RGS7: variants seen among roughly 807,000 people sequenced by gnomAD.
RGS7 encodes the protein regulator of G-protein signaling 7.
In RGS7, 27 loss-of-function variants were observed where a neutral mutation model predicts 81.1. That is an observed-to-expected ratio of 0.33 (90% CI 0.25 to 0.46). The LOEUF is 0.46. Ranked by LOEUF, RGS7 falls within the 20% of genes least tolerant of loss-of-function variation. The pLI is 1.00. For missense variants in RGS7, 396 were observed against 607.4 expected (o/e 0.65, Z 3.66); for synonymous variants, 208 against 207.7 (o/e 1.00, Z -0.01).
At chr1:241,071,746 T>C (rs760868457) in intron 3 of RGS7, among the ~76,000 whole-genome samples, 16 of 151,354 alleles carry the variant, frequency 1.1e-4, no homozygotes, top group Non-Finnish European at 2.4e-4. Context: ...TGGTGGTATG[T>C]GCCTGTAGAC....
At chr1:240,904,348 T>C (rs1384633702) in intron 6 of RGS7, among the ~76,000 whole-genome samples, 3 of 152,232 alleles carry the variant, frequency 2.0e-5, no homozygotes, top group African/African-American at 7.2e-5. Flanking sequence ...ATTTTGTGTG[T>C]GGTCTATGTG....
intron 2 of RGS7, among the ~76,000 whole-genome samples, chr1:241,207,179 G>A (rs903806906): frequency 6.6e-5 from 10 of 151,126 alleles, no homozygotes; most frequent in African/African-American, 2.2e-4. Context: ...GTGTTAGCCA[G>A]GTTGGTCTCA....
chr1:241,060,411 A>G (rs1324631969), intron 3 of RGS7, among the ~76,000 whole-genome samples: 1 of 152,220 alleles, frequency 6.6e-6, no homozygotes, highest in Admixed American at 6.5e-5. Context: ...GCAGGCTCTT[A>G]CTGAAAAAAA....
intron 3 of RGS7, among the ~76,000 whole-genome samples, chr1:241,040,524 T>A (rs994430599): frequency 1.3e-5 from 2 of 150,610 alleles, no homozygotes; most frequent in Non-Finnish European, 3.0e-5. Flanking sequence ...TATTTAAGAC[T>A]GAGTTTCGCT....
intron 3 of RGS7, among the ~76,000 whole-genome samples, chr1:241,073,905 CTT>C (rs200571282): frequency 2.2e-4 from 31 of 141,512 alleles, no homozygotes; most frequent in Non-Finnish European, 2.3e-4. Context: ...CTCTTCGTTC[CTT>C]TTTTTTTTTT....
intron 2 of RGS7, among the ~76,000 whole-genome samples, chr1:241,165,595 A>T (rs1400255047): frequency 2.1e-5 from 3 of 140,104 alleles, no homozygotes; most frequent in African/African-American, 7.9e-5. Context: ...ACACATGGAC[A>T]CAGGAAGGGG....
chr1:241,274,427 G>T (rs1016011357), intron 2 of RGS7, among the ~76,000 whole-genome samples: 3 of 152,096 alleles, frequency 2.0e-5, no homozygotes, highest in Admixed American at 2.0e-4. Flanking sequence ...ACAAATAAAA[G>T]AATTTTTAAA....
chr1:240,907,236 T>C (rs1278678725), intron 6 of RGS7, among the ~76,000 whole-genome samples: 1 of 152,176 alleles, frequency 6.6e-6, no homozygotes, highest in Non-Finnish European at 1.5e-5. Context: ...TGAAAAAATG[T>C]CAAAACATGG....
chr1:241,293,201 C>A (rs1197877406), intron 2 of RGS7, among the ~76,000 whole-genome samples: 1 of 152,170 alleles, frequency 6.6e-6, no homozygotes, highest in Non-Finnish European at 1.5e-5. Flanking sequence ...TAGCACAATG[C>A]ATTACTCATT....
At chr1:240,977,679 AAGAC>A (rs1684337812) in intron 4 of RGS7, among the ~76,000 whole-genome samples, 1 of 152,218 alleles carries the variant, frequency 6.6e-6, no homozygotes, top group South Asian at 2.1e-4. Flanking sequence ...CTAAGTAGAG[AAGAC>A]TCTAGGAGAT....
At chr1:241,293,117 C>T (rs2079180115) in intron 2 of RGS7, among the ~76,000 whole-genome samples, 1 of 152,138 alleles carries the variant, frequency 6.6e-6, no homozygotes, top group African/African-American at 2.4e-5. Context: ...GCAGATATGA[C>T]AATGGTTTCA....
intron 3 of RGS7, among the ~76,000 whole-genome samples, chr1:241,056,320 C>T (rs181354937): frequency 1.2e-4 from 19 of 152,286 alleles, no homozygotes; most frequent in East Asian, 9.7e-4. Flanking sequence ...TAACACCTTC[C>T]GTACTGTTCA....
chr1:241,352,982 G>A (rs1490855854), intron 2 of RGS7, among the ~76,000 whole-genome samples: 1 of 152,120 alleles, frequency 6.6e-6, no homozygotes, highest in Non-Finnish European at 1.5e-5. Flanking sequence ...TCATGAGGAG[G>A]GAAAACACCA....
intron 2 of RGS7, among the ~76,000 whole-genome samples, chr1:241,256,425 T>C (rs931698072): frequency 1.3e-5 from 2 of 152,168 alleles, no homozygotes; most frequent in African/African-American, 4.8e-5. Flanking sequence ...CACTTCACTG[T>C]CAATCATTGA....
chr1:241,105,955 T>C (rs2065067255), intron 2 of RGS7, among the ~76,000 whole-genome samples: 1 of 152,244 alleles, frequency 6.6e-6, no homozygotes, highest in Non-Finnish European at 1.5e-5. Flanking sequence ...ACTGTCATTT[T>C]AAGTGCTAGC....
At chr1:240,786,503 A>G (rs1285447574) in intron 18 of RGS7, among the ~76,000 whole-genome samples, 2 of 152,190 alleles carry the variant, frequency 1.3e-5, no homozygotes, top group Non-Finnish European at 2.9e-5. Flanking sequence ...ACATTTTAAA[A>G]ATCAGATTGC....
chr1:241,224,496 T>G (rs762723271), intron 2 of RGS7, among the ~76,000 whole-genome samples: 1 of 152,108 alleles, frequency 6.6e-6, no homozygotes, highest in Non-Finnish European at 1.5e-5. Flanking sequence ...CAGTCTATTA[T>G]TGATGGACAT....
chr1:241,327,519 G>A (rs2148643225), intron 2 of RGS7, among the ~76,000 whole-genome samples: 1 of 152,230 alleles, frequency 6.6e-6, no homozygotes, highest in East Asian at 1.9e-4. Context: ...GTTGTTACTT[G>A]AGCTCCATCA....
At chr1:241,010,944 T>G (rs1487213973) in intron 3 of RGS7, among the ~76,000 whole-genome samples, 2 of 152,166 alleles carry the variant, frequency 1.3e-5, no homozygotes, top group Non-Finnish European at 2.9e-5. Context: ...CTGGTAAATC[T>G]GCATAATGAG....
Sources: gnomAD v4.1 joint callset for allele counts (sites outside exome capture counted in the v4.1 genomes callset) on GRCh38, gnomAD v4.1.1 for gene constraint, MANE v1.5 for transcripts, NCBI Gene and HGNC (gene_info 2026-07-23, HGNC 2026-07-21) for gene names.